Variants in CNOT2 observed in about 807,000 individuals in gnomAD.
CNOT2 encodes the protein CCR4-NOT transcription complex subunit 2.
In CNOT2, 7 loss-of-function variants were observed where a neutral mutation model predicts 72.1. The observed-to-expected ratio is 0.10, with a 90% CI of 0.06 to 0.18. The LOEUF (loss-of-function observed/expected upper bound fraction) is 0.18. Among genes scored for constraint, CNOT2 ranks in the 10% least tolerant of loss-of-function variants. The pLI is 1.00. For synonymous variants in CNOT2, 196 were observed against 225.6 expected (o/e 0.87, Z 1.17); for missense variants, 345 against 660.3 (o/e 0.52, Z 5.23).
intron 2 of CNOT2, among the ~76,000 whole-genome samples, chr12:70,301,287 T>C (rs961960088): frequency 3.3e-5 from 5 of 152,172 alleles, no homozygotes; most frequent in African/African-American, 4.8e-5. Context: ...GAGGGCATCC[T>C]TCTCTTGTGC....
intron 2 of CNOT2, among the ~76,000 whole-genome samples, chr12:70,306,363 G>A (rs918043431): frequency 6.6e-6 from 1 of 152,120 alleles, no homozygotes; most frequent in East Asian, 1.9e-4. Flanking sequence ...CACGTTGTTG[G>A]CCAGGCTGGT....
intron 1 of CNOT2, among the ~76,000 whole-genome samples, chr12:70,270,322 CA>C (rs2135774391): frequency 6.6e-6 from 1 of 152,170 alleles, no homozygotes; most frequent in East Asian, 1.9e-4. Flanking sequence ...ATAAATAAAG[CA>C]AACAATACGT....
intron 15 of CNOT2, among the ~76,000 whole-genome samples, chr12:70,351,550 G>A (rs1882866364): frequency 6.6e-6 from 1 of 152,056 alleles, no homozygotes; most frequent in Admixed American, 6.5e-5. Flanking sequence ...ACGCTGCTTA[G>A]GTTTAAACTA....
At chr12:70,302,109 T>G (rs1874126915) in intron 2 of CNOT2, among the ~76,000 whole-genome samples, 1 of 152,208 alleles carries the variant, frequency 6.6e-6, no homozygotes, top group Non-Finnish European at 1.5e-5. Context: ...TTCTTCTCTC[T>G]TCTTTATTAA....
chr12:70,319,393 C>T, intron 4 of CNOT2, 29 bp downstream of exon 4: 1 of 1,595,794 alleles, frequency 6.3e-7, no homozygotes, highest in Non-Finnish European at 8.6e-7. Context: ...TTCTGGGATA[C>T]TTTATTTAAA....
At chr12:70,294,667 A>C (rs12297335) in intron 2 of CNOT2, among the ~76,000 whole-genome samples, 1 of 152,180 alleles carries the variant, frequency 6.6e-6, no homozygotes, top group Non-Finnish European at 1.5e-5. Context: ...TAATTTTGCC[A>C]TATGTAACTT....
At chr12:70,338,920 A>G (rs766996732) in intron 11 of CNOT2, 98 bp downstream of exon 11, 22 of 955,102 alleles carry the variant, frequency 2.3e-5, no homozygotes, top group Non-Finnish European at 3.5e-5. Context: ...ACTGCTACTC[A>G]TTGTTAACCT....
At chr12:70,265,908 T>G (rs12319973) in intron 1 of CNOT2, among the ~76,000 whole-genome samples, 2,033 of 152,152 alleles carry the variant, frequency 0.013, 44 homozygotes, top group African/African-American at 0.046. Context: ...AGTTCAATTT[T>G]TATGTATTTG....
chr12:70,282,602 T>G (rs966047764), intron 2 of CNOT2, among the ~76,000 whole-genome samples: 4 of 152,180 alleles, frequency 2.6e-5, no homozygotes, highest in Non-Finnish European at 2.9e-5. Flanking sequence ...GACTATATAG[T>G]GTAGATGTGA....
chr12:70,332,108 G>A (rs1339432617), intron 6 of CNOT2, among the ~76,000 whole-genome samples: 1 of 151,466 alleles, frequency 6.6e-6, no homozygotes, highest in East Asian at 1.9e-4. Context: ...GTATATGAAA[G>A]GTAAACTATA....
intron 2 of CNOT2, among the ~76,000 whole-genome samples, chr12:70,282,448 T>A (rs1350793192): frequency 6.6e-6 from 1 of 152,228 alleles, no homozygotes; most frequent in Non-Finnish European, 1.5e-5. Flanking sequence ...ATATCTTACT[T>A]CCTTTTAATT....
chr12:70,348,591 A>C (rs1423091505), intron 15 of CNOT2, among the ~76,000 whole-genome samples: 2 of 152,178 alleles, frequency 1.3e-5, no homozygotes, highest in Non-Finnish European at 2.9e-5. Context: ...TTCCAAACTT[A>C]CATATGTAAA....
chr12:70,265,290 C>CTT lies in CNOT2; in HGVS notation c.-95-12841_-95-12840dup, dbSNP rs1958975936. 8.5e-5 allele frequency among the ~76,000 whole-genome samples: 12 copies of CTT among 141,902 alleles called. No homozygotes were observed. In the Admixed American group the frequency reaches 9.1e-4, roughly 11 times the overall value. The allele number at this position is 141,902 out of a possible 152,430, so 93.1% of individuals were successfully genotyped here. A position where few individuals can be genotyped will look rare whatever the true frequency, so the allele number is the denominator to read the frequency against. On this transcript the variant is annotated intron_variant, in intron 1 of 15. Coordinates refer to ENST00000229195, the MANE Select transcript of CNOT2 (RefSeq NM_014515.7). ...CGTTTTGTTTCTTCTCTTCTCTTCT[C>CTT]TTCTCTTCTCTTCTCTTCTCTTCTC...
Position 70,344,217 on chromosome 12 carries a change from T to C in CNOT2, c.1380T>C (p.Ala460=). Residue 460 remains alanine (A), a synonymous_variant, in exon 14 of 16, where the codon GCT becomes GCC. Coordinates refer to ENST00000229195, the MANE Select transcript of CNOT2 (RefSeq NM_014515.7). ...GAGGAGACGTATTACAACTTTTAGC[T>C]GCAGTGGAGCTGTATGTTCAAAGTA... ...MNGGDVLQLL[A]AVELFNRDWR... is the part of the protein sequence containing the mutation. 6.2e-7 allele frequency: 1 copy of C among 1,600,756 alleles called. No individual in the cohort carries two copies. Among genetic ancestry groups the C allele is most frequent in the Non-Finnish European group, 8.6e-7 (1 of 1,168,016 alleles).
chr12:70,250,930 AAG>A (rs765848372), intron 1 of CNOT2, among the ~76,000 whole-genome samples: 1 of 152,154 alleles, frequency 6.6e-6, no homozygotes, highest in Non-Finnish European at 1.5e-5. Flanking sequence ...AGGTTTTACA[AAG>A]AGCAATAGGA....
At chr12:70,254,930 G>A (rs565328451) in intron 1 of CNOT2, among the ~76,000 whole-genome samples, 6 of 145,522 alleles carry the variant, frequency 4.1e-5, no homozygotes, top group Non-Finnish European at 9.0e-5. Flanking sequence ...GCAGTGAGTT[G>A]ACATCATGCC....
rs558741516 is a variant in CNOT2, at chr12:70,344,343, T to A, written c.1391+115T>A. 33 of 644,322 alleles carry A rather than the reference T, an allele frequency of 5.1e-5. No homozygotes were observed. The East Asian group carries it at 8.9e-4, about 17-fold the overall frequency. 39.9% of individuals were successfully genotyped at this position (644,322 alleles called of 1,614,324 possible). ...TGGAACTATTTCTCCATCAAGAAAT[T>A]TATTTTTACATTATTAAAGTGAATT... On this transcript the variant is annotated intron_variant, in intron 14 of 15. Transcript: ENST00000229195.
chr12:70,275,341 G>C (rs183059746), intron 1 of CNOT2, among the ~76,000 whole-genome samples: 175 of 152,032 alleles, frequency 1.2e-3, no homozygotes, highest in African/African-American at 4.1e-3. Context: ...ATGTGGTTTT[G>C]TTTTTGTTAT....
intron 15 of CNOT2, among the ~76,000 whole-genome samples, chr12:70,351,239 T>G (rs959167413): frequency 1.3e-5 from 2 of 152,148 alleles, no homozygotes; most frequent in African/African-American, 4.8e-5. Flanking sequence ...TCATCATATA[T>G]TAATTACACA....
Sources: allele counts gnomAD v4.1 joint callset (sites outside exome capture counted in the v4.1 genomes callset), GRCh38; gene constraint gnomAD v4.1.1; transcripts MANE v1.5; gene names NCBI Gene and HGNC (gene_info 2026-07-23, HGNC 2026-07-21).